Variants in CLNK observed in about 807,000 individuals in gnomAD.
CLNK encodes the protein cytokine dependent hematopoietic cell linker, also known as cytokine-dependent hematopoietic cell linker.
CLNK carries 74 observed loss-of-function variants against 68.6 expected under a neutral mutation model. That is an observed-to-expected ratio of 1.08 (90% confidence interval 0.89 to 1.31). The LOEUF (loss-of-function observed/expected upper bound fraction) is 1.31. CLNK is among the 50% of genes most tolerant of loss of function. CLNK has a pLI of 0.00. For missense variants in CLNK, 553 were observed against 515.3 expected (o/e 1.07, Z -0.71); for synonymous variants, 198 against 172.2 (o/e 1.15, Z -1.17).
chr4:10,683,348 G>A (rs1042201949), intron 1 of CLNK, among the ~76,000 whole-genome samples: 2 of 152,164 alleles, frequency 1.3e-5, no homozygotes, highest in Non-Finnish European at 2.9e-5. Context: ...AAATGGTCTT[G>A]CCTATACAGT....
intron 2 of CLNK, among the ~76,000 whole-genome samples, chr4:10,614,015 C>T (rs534732465): frequency 2.2e-4 from 34 of 152,346 alleles, no homozygotes; most frequent in African/African-American, 7.9e-4. Context: ...ACCATACCAA[C>T]TGGAGATTGA....
intron 18 of CLNK, among the ~76,000 whole-genome samples, chr4:10,496,671 G>A (rs1320899026): frequency 6.6e-6 from 1 of 152,226 alleles, no homozygotes; most frequent in Admixed American, 6.5e-5. Flanking sequence ...CGAGGCATGA[G>A]AACAGGGTCT....
Position 10,509,022 on chromosome 4 carries a change from G to A in CLNK, c.907-986C>T, listed in dbSNP as rs541455400. Among the ~76,000 whole-genome samples the A allele has an allele frequency of 1.1e-4, 16 of 145,826 alleles. No individual in the cohort carries two copies. The South Asian group carries it at 3.1e-3, about 28-fold the overall frequency. ...CTTGGGAGGCTGAGGCAGGAGAATC[G>A]CTTGAACCTGGGAGGCGGCGGTTGC... On this transcript the variant is annotated intron_variant, in intron 16 of 18. Coordinates refer to ENST00000226951, the MANE Select transcript of CLNK (RefSeq NM_052964.4).
intron 2 of CLNK, chr4:10,598,623 A>C (rs1341480307): frequency 2.4e-6 from 1 of 422,292 alleles, no homozygotes; most frequent in East Asian, 7.9e-5. Flanking sequence ...CACTTTGCTA[A>C]GGCACTTTCT....
At chr4:10,557,169 G>A (rs1577127688) in intron 8 of CLNK, among the ~76,000 whole-genome samples, 1 of 152,138 alleles carries the variant, frequency 6.6e-6, no homozygotes, top group Admixed American at 6.5e-5. Flanking sequence ...GCCAGGGAGT[G>A]TGCCTTAGGT....
rs940308818 is a variant in CLNK, at chr4:10,507,094, C to T, written c.984+865G>A. 6.0e-5 allele frequency among the ~76,000 whole-genome samples: 9 copies of T among 151,032 alleles called. No individual in the cohort carries two copies. The South Asian group carries it at 1.7e-3, about 28-fold the overall frequency. On this transcript the variant is annotated intron_variant, in intron 17 of 18. Coordinates refer to ENST00000226951, the MANE Select transcript of CLNK (RefSeq NM_052964.4). ...TGCTGGGATTACAGGCATGAGCCACCGCGTCCGGCTGAAACTCTCCATGTT... is the reference window on the plus strand; with the variant it reads ...TGCTGGGATTACAGGCATGAGCCACTGCGTCCGGCTGAAACTCTCCATGTT...
chr4:10,549,030 C>T (rs1462165955), intron 8 of CLNK, among the ~76,000 whole-genome samples: 2 of 152,192 alleles, frequency 1.3e-5, no homozygotes, highest in Non-Finnish European at 2.9e-5. Flanking sequence ...GATACACTGT[C>T]CATGTGTCCT....
At chr4:10,556,899 A>C (rs925251774) in intron 8 of CLNK, among the ~76,000 whole-genome samples, 5 of 151,904 alleles carry the variant, frequency 3.3e-5, no homozygotes, top group African/African-American at 1.2e-4. Flanking sequence ...AACATGGTGA[A>C]ACCCCGTCTC....
At chr4:10,697,794 CCTT>C in the CLNK span, 2 of 152,176 alleles carry the variant, frequency 1.3e-5, no homozygotes, top group African/African-American at 4.8e-5. Context: ...TGTAACCAAT[CCTT>C]CTACATTTTG....
chr4:10,699,466 G>GTCTCTCTCTCTCTCTCTCTCTC, the CLNK span, among the ~76,000 whole-genome samples: 1 of 60,552 alleles, frequency 1.7e-5, no homozygotes, highest in African/African-American at 7.5e-5. Context: ...CATCCTCTCT[G>GTCTCTCTCTCTCTCTCTCTCTC]TCTCTCTCTC....
chr4:10,607,104 CTG>C (rs1401018130), intron 2 of CLNK, among the ~76,000 whole-genome samples: 1 of 152,180 alleles, frequency 6.6e-6, no homozygotes, highest in Non-Finnish European at 1.5e-5. Context: ...TGAACAGACT[CTG>C]TTGATGATTG....
chr4:10,682,566 C>T (rs1028184853), intron 1 of CLNK, among the ~76,000 whole-genome samples: 2 of 152,186 alleles, frequency 1.3e-5, no homozygotes, highest in Non-Finnish European at 2.9e-5. Flanking sequence ...TATTCTTCCT[C>T]CCAGTTTCAA....
At chr4:10,676,508 A>C (rs1724881911) in intron 1 of CLNK, among the ~76,000 whole-genome samples, 1 of 151,230 alleles carries the variant, frequency 6.6e-6, no homozygotes, top group African/African-American at 2.4e-5. Context: ...ACTTCCCTTG[A>C]GTATCTCAAG....
chr4:10,606,989 T>C (rs373884990), intron 2 of CLNK, among the ~76,000 whole-genome samples: 1 of 152,246 alleles, frequency 6.6e-6, no homozygotes, highest in East Asian at 1.9e-4. Context: ...TTAAATTAGA[T>C]ACACATATTG....
At chr4:10,662,564 A>G (rs547447696) in intron 2 of CLNK, among the ~76,000 whole-genome samples, 1 of 152,316 alleles carries the variant, frequency 6.6e-6, no homozygotes, top group South Asian at 2.1e-4. Flanking sequence ...TTGACTTTGA[A>G]ATTGTGGAGA....
the CLNK span, among the ~76,000 whole-genome samples, chr4:10,727,006 G>A: frequency 2.6e-5 from 4 of 152,208 alleles, no homozygotes; most frequent in South Asian, 2.1e-4. Flanking sequence ...ATCACATCAA[G>A]TCTGGAGTTT....
At chr4:10,564,177 T>C (rs985013038) in intron 7 of CLNK, among the ~76,000 whole-genome samples, 1 of 151,984 alleles carries the variant, frequency 6.6e-6, no homozygotes, top group Non-Finnish European at 1.5e-5. Flanking sequence ...AATTATCTTT[T>C]GTAGCTTCCA....
At chr4:10,672,124 G>A (rs1216607049) in intron 1 of CLNK, among the ~76,000 whole-genome samples, 1 of 152,174 alleles carries the variant, frequency 6.6e-6, no homozygotes, top group Non-Finnish European at 1.5e-5. Flanking sequence ...CAATCAATAG[G>A]CAATGTCAGG....
At chr4:10,629,980 C>T (rs923168917) in intron 2 of CLNK, among the ~76,000 whole-genome samples, 4 of 152,206 alleles carry the variant, frequency 2.6e-5, no homozygotes, top group Non-Finnish European at 5.9e-5. Context: ...TGCTGCCAGT[C>T]AATCCCAAGT....
Sources: allele counts gnomAD v4.1 joint callset (sites outside exome capture counted in the v4.1 genomes callset), GRCh38; gene constraint gnomAD v4.1.1; transcripts MANE v1.5; gene names NCBI Gene and HGNC (gene_info 2026-07-23, HGNC 2026-07-21).